HS6ST3: variants seen among roughly 807,000 people sequenced by gnomAD.
HS6ST3 encodes heparan sulfate 6-O-sulfotransferase 3.
HS6ST3 carries 12 observed loss-of-function variants against 36.7 expected under a neutral mutation model. The ratio of observed to expected loss-of-function variants is 0.33; its 90% CI spans 0.21 to 0.53. HS6ST3 has a LOEUF of 0.53. Among genes scored for constraint, HS6ST3 ranks in the 20% least tolerant of loss-of-function variants. The probability of loss-of-function intolerance (pLI) is 0.95; values close to 1 mark genes in which losing one functional copy is unlikely to be tolerated. For synonymous variants in HS6ST3, 240 were observed against 257.5 expected (o/e 0.93, Z 0.65); for missense variants, 584 against 640.9 (o/e 0.91, Z 0.96).
intron 1 of HS6ST3, among the ~76,000 whole-genome samples, chr13:96,550,569 G>T (rs2056215917): frequency 6.6e-6 from 1 of 152,040 alleles, no homozygotes; most frequent in Non-Finnish European, 1.5e-5. Context: ...TGTCATCTTT[G>T]TCACCAGTAC....
Position 96,090,809 on chromosome 13 carries a change from C to T in HS6ST3, c.-54C>T, listed in dbSNP as rs1215808112. 2.8e-6 allele frequency: 4 copies of T among 1,419,612 alleles called. No homozygotes were observed. Among genetic ancestry groups the T allele is most frequent in the Non-Finnish European group, 3.7e-6 (4 of 1,079,766 alleles). 87.9% of individuals were successfully genotyped at this position (1,419,612 alleles called of 1,614,324 possible). A position where few individuals can be genotyped will look rare whatever the true frequency, so the allele number is the denominator to read the frequency against. On this transcript the variant is annotated 5_prime_UTR_variant, in exon 1 of 2. Coordinates refer to ENST00000376705, the MANE Select transcript of HS6ST3 (RefSeq NM_153456.4). ...GCGAAACTTCCGAGCGGGCGCCCGT[C>T]CGCCCTGCCGCCGCCGCCGCCGCCG...
intron 1 of HS6ST3, among the ~76,000 whole-genome samples, chr13:96,590,965 G>A (rs1477587327): frequency 4.0e-5 from 6 of 151,546 alleles, no homozygotes; most frequent in Admixed American, 3.9e-4. Flanking sequence ...TCCAGTGTAT[G>A]TTCTTGGTAT....
intron 1 of HS6ST3, among the ~76,000 whole-genome samples, chr13:96,216,574 T>C (rs2054427218): frequency 6.6e-6 from 1 of 152,200 alleles, no homozygotes; most frequent in African/African-American, 2.4e-5. Context: ...ACTGGATTAG[T>C]GCAAGCTGAA....
intron 1 of HS6ST3, among the ~76,000 whole-genome samples, chr13:96,489,497 A>G (rs1053516056): frequency 2.0e-5 from 3 of 152,056 alleles, no homozygotes; most frequent in Non-Finnish European, 4.4e-5. Context: ...TTATGCTTAG[A>G]GTAACTGTCT....
intron 1 of HS6ST3, among the ~76,000 whole-genome samples, chr13:96,799,676 T>A (rs1410010005): frequency 4.0e-5 from 6 of 150,846 alleles, no homozygotes; most frequent in South Asian, 2.1e-4. Context: ...GATATACCTA[T>A]TGCTAGATGA....
chr13:96,291,454 A>T (rs1245619563), intron 1 of HS6ST3, among the ~76,000 whole-genome samples: 3 of 152,156 alleles, frequency 2.0e-5, no homozygotes, highest in Non-Finnish European at 4.4e-5. Flanking sequence ...CATGTTCTTG[A>T]ATATGGGCTA....
intron 1 of HS6ST3, among the ~76,000 whole-genome samples, chr13:96,485,608 A>G (rs193092107): frequency 2.6e-5 from 4 of 152,300 alleles, no homozygotes; most frequent in Non-Finnish European, 5.9e-5. Flanking sequence ...CTTCCAGTAT[A>G]AAGTTGAAAA....
At position 96,835,983 on chromosome 13, in the gene HS6ST3, G is replaced by T. The variant is rs531990022; in HGVS notation, c.*2785G>T. 1 of 152,338 alleles carries T rather than the reference G, an allele frequency of 6.6e-6. No individual in the cohort carries two copies. The highest frequency in any genetic ancestry group is 2.1e-4 in the South Asian group (1 of 4,828). The allele number at this position is 152,338 out of a possible 1,614,324, so 9.4% of individuals were successfully genotyped here. On this transcript the variant is annotated 3_prime_UTR_variant, in exon 2 of 2. Transcript: ENST00000376705. Reference sequence around the variant, plus strand: ...CATTTCATTCTAAAGCAGCAAGCTTGTCATACCCATGGGGTCCTATGTTGA... The same window carrying T: ...CATTTCATTCTAAAGCAGCAAGCTTTTCATACCCATGGGGTCCTATGTTGA...
chr13:96,674,938 T>C (rs953750913), intron 1 of HS6ST3, among the ~76,000 whole-genome samples: 3 of 152,168 alleles, frequency 2.0e-5, no homozygotes, highest in Admixed American at 1.3e-4. Context: ...CTCTGTCATG[T>C]TTCAGGAGGA....
At chr13:96,813,265 C>T (rs1878356822) in intron 1 of HS6ST3, among the ~76,000 whole-genome samples, 1 of 152,128 alleles carries the variant, frequency 6.6e-6, no homozygotes, top group Non-Finnish European at 1.5e-5. Context: ...CTGGTATAAA[C>T]TCTGTATTCA....
At chr13:96,805,853 T>C (rs886965114) in intron 1 of HS6ST3, among the ~76,000 whole-genome samples, 3 of 152,196 alleles carry the variant, frequency 2.0e-5, no homozygotes, top group African/African-American at 7.2e-5. Flanking sequence ...ATGCATAAAG[T>C]TGTTACTTTA....
chr13:96,561,090 A>T (rs2056260251), intron 1 of HS6ST3, among the ~76,000 whole-genome samples: 2 of 152,212 alleles, frequency 1.3e-5, no homozygotes, highest in African/African-American at 4.8e-5. Context: ...CCCAAGCAAA[A>T]AAACAAAGCC....
At chr13:96,808,856 G>A (rs1878256796) in intron 1 of HS6ST3, among the ~76,000 whole-genome samples, 1 of 152,160 alleles carries the variant, frequency 6.6e-6, no homozygotes, top group Non-Finnish European at 1.5e-5. Context: ...AAGGTTAGAT[G>A]AGAGAAGTTA....
At chr13:96,585,331 T>G (rs546766903) in intron 1 of HS6ST3, among the ~76,000 whole-genome samples, 1 of 152,292 alleles carries the variant, frequency 6.6e-6, no homozygotes, top group South Asian at 2.1e-4. Flanking sequence ...AGTATGCAAT[T>G]CAATACATTT....
chr13:96,096,196 A>G (rs1359758910), intron 1 of HS6ST3, among the ~76,000 whole-genome samples: 2 of 152,182 alleles, frequency 1.3e-5, no homozygotes, highest in African/African-American at 2.4e-5. Flanking sequence ...TTCAAATAGT[A>G]AAAGGAATGA....
intron 1 of HS6ST3, among the ~76,000 whole-genome samples, chr13:96,395,747 C>G (rs1438311605): frequency 6.6e-6 from 1 of 152,062 alleles, no homozygotes; most frequent in African/African-American, 2.4e-5. Flanking sequence ...ATTTATGATA[C>G]TTATTTACTT....
intron 1 of HS6ST3, among the ~76,000 whole-genome samples, chr13:96,463,600 G>T (rs2055796191): frequency 6.6e-6 from 1 of 152,042 alleles, no homozygotes; most frequent in African/African-American, 2.4e-5. Flanking sequence ...ATTTAGTAAG[G>T]ATTTAACTTG....
chr13:96,679,630 G>T lies in HS6ST3; in HGVS notation c.708-152860G>T, dbSNP rs529512663. On this transcript the variant is annotated intron_variant, in intron 1 of 1. Coordinates refer to ENST00000376705, the MANE Select transcript of HS6ST3 (RefSeq NM_153456.4). ...TAGCAAGCCCCTGCAGCTGCTTTCT[G>T]GTCTTTTTGATATGCTTCCCTTTTG... 4.6e-5 allele frequency among the ~76,000 whole-genome samples: 7 copies of T among 152,212 alleles called. No homozygotes were observed. The East Asian group carries it at 1.4e-3, about 29-fold the overall frequency.
chr13:96,335,237 A>C (rs1317408170), intron 1 of HS6ST3, among the ~76,000 whole-genome samples: 1 of 152,202 alleles, frequency 6.6e-6, no homozygotes, highest in Non-Finnish European at 1.5e-5. Context: ...AACGACATCC[A>C]ATGTGAGGTG....
Sources: gnomAD v4.1 joint callset for allele counts (sites outside exome capture counted in the v4.1 genomes callset) on GRCh38, gnomAD v4.1.1 for gene constraint, MANE v1.5 for transcripts, NCBI Gene and HGNC (gene_info 2026-07-23, HGNC 2026-07-21) for gene names.